Variants in SSR4 observed in about 807,000 individuals in gnomAD.
SSR4 encodes signal sequence receptor subunit 4.
For synonymous variants in SSR4, 84 were observed against 65.6 expected (o/e 1.28, Z -1.35); for missense variants, 125 against 148.8 (o/e 0.84, Z 0.83).
Position 153,796,384 on chromosome X carries a change from C to T in SSR4, c.68-50C>T, listed in dbSNP as rs201789309. 5.3e-4 allele frequency: 508 copies of T among 952,951 alleles called. 2 individuals are homozygous for T. The highest frequency in any genetic ancestry group is 1.8e-3 in the South Asian group (90 of 50,520). 78.5% of individuals were successfully genotyped at this position (952,951 alleles called of 1,213,427 possible). ...GGGCCGGGCCATCCTGCCCTCAGAC[C>T]GGGATACTCGAGCTGGCCTTACCCA... On this transcript the variant is annotated intron_variant, in intron 1 of 5. Transcript: ENST00000370086.
chrX:153,794,528 T>A, upstream of SSR4: 3 of 1,165,300 alleles, frequency 2.6e-6, no homozygotes, highest in Non-Finnish European at 3.4e-6. Flanking sequence ...GGCCCCTGGC[T>A]CAGGGAGGGG....
chrX:153,796,414 T>G lies in SSR4; in HGVS notation c.68-20T>G. On this transcript the variant is annotated intron_variant, in intron 1 of 5. Coordinates refer to ENST00000370086, the MANE Select transcript of SSR4 (RefSeq NM_006280.3). ...TACTCGAGCTGGCCTTACCCAGGCA[T>G]CTCTCCCTCTTCCCCGCAGCCGAGG... The G allele has an allele frequency of 8.9e-7, 1 of 1,121,805 alleles. No individual in the cohort carries two copies. The highest frequency in any genetic ancestry group is 1.2e-6 in the Non-Finnish European group (1 of 814,441). The allele number at this position is 1,121,805 out of a possible 1,213,427, so 92.4% of individuals were successfully genotyped here. A position where few individuals can be genotyped will look rare whatever the true frequency, so the allele number is the denominator to read the frequency against.
intron 1 of SSR4, chrX:153,795,147 G>C: frequency 5.7e-6 from 1 of 174,093 alleles, no homozygotes; most frequent in Non-Finnish European, 1.1e-5. Context: ...TCAGTGAGGA[G>C]AGGGAGCAAG....
chrX:153,798,001 C>T (rs2092152459), intron 4 of SSR4, 70 bp from the exon 5 acceptor site: 4 of 484,361 alleles, frequency 8.3e-6, no homozygotes, highest in Admixed American at 2.6e-5. Context: ...ACCTGTCTTT[C>T]CCCTCCCCTC....
intron 1 of SSR4, chrX:153,794,995 C>T (rs2098829201): frequency 2.4e-6 from 1 of 420,721 alleles, no homozygotes. Context: ...ATGGTGCGCC[C>T]GGCCCCCAAG....
At chrX:153,794,825 G>A in intron 1 of SSR4, 71 bp downstream of exon 1, 1 of 1,121,585 alleles carries the variant, frequency 8.9e-7, no homozygotes, top group Non-Finnish European at 1.2e-6. Flanking sequence ...GGGCAGGAGG[G>A]ATGCGGGGGT....
chrX:153,798,254 G>A (rs2092154868), intron 5 of SSR4, 75 bp from the exon 6 acceptor site: 1 of 1,183,354 alleles, frequency 8.5e-7, no homozygotes, highest in East Asian at 3.0e-5. Context: ...GGTTCCCCTG[G>A]CGGAAGGTGA....
chrX:153,794,342 C>A (rs782753578), upstream of SSR4: 1 of 1,187,346 alleles, frequency 8.4e-7, no homozygotes, highest in South Asian at 1.8e-5. Flanking sequence ...AAAGTGAGAG[C>A]CTCCGCACGT....
In SSR4 at chrX:153,798,341, G is replaced by C; in HGVS notation, c.430G>C (p.Gly144Arg). 4 of 1,207,083 alleles carry C rather than the reference G, an allele frequency of 3.3e-6. No homozygotes were observed. The Middle Eastern group carries it at 9.3e-4, about 281-fold the overall frequency. ...TCCTTTTTTTCAGGGCACTTGGAAC[G>C]GGCCCTGGGTGTCCACTGAGGTGCT... ...VSVDHRGTWN[G>R]PWVSTEVLAA... is the part of the protein sequence containing the mutation. The change falls in exon 6 of 6, where the codon GGG (glycine) becomes CGG (arginine). Residue 144 changes from glycine (G) to arginine (R), a missense_variant. Gly to Arg is a moderately radical substitution (Grantham distance 125). Coordinates refer to ENST00000370086, the MANE Select transcript of SSR4 (RefSeq NM_006280.3).
chrX:153,797,302 A>T lies in SSR4; in HGVS notation c.187-156A>T, dbSNP rs782083578. ...ACCAATGCAGAGGGCCAGTCACGGG[A>T]TTGGTGAGTGTTACTTGGTACCTCC... On this transcript the variant is annotated intron_variant, in intron 2 of 5. Coordinates refer to ENST00000370086, the MANE Select transcript of SSR4 (RefSeq NM_006280.3). 160 of 477,275 alleles carry T rather than the reference A, an allele frequency of 3.4e-4. 1 individual carries two copies. In the African/African-American group the frequency reaches 3.5e-3, roughly 11 times the overall value. The allele number at this position is 477,275 out of a possible 1,213,427, so 39.3% of individuals were successfully genotyped here.
At position 153,798,459 on chromosome X, in the gene SSR4, C is replaced by T. The variant is rs782488319; in HGVS notation, c.*26C>T. The T allele has an allele frequency of 4.4e-6, 5 of 1,141,256 alleles. No homozygotes were observed. The South Asian group carries it at 5.8e-5, about 13-fold the overall frequency. The allele number at this position is 1,141,256 out of a possible 1,213,427, so 94.1% of individuals were successfully genotyped here. A position where few individuals can be genotyped will look rare whatever the true frequency, so the allele number is the denominator to read the frequency against. ...GGGCGGCACCCCAGCCCTGCCCTTG[C>T]TTCCTTCAATAAACATCACAGGACC... On this transcript the variant is annotated 3_prime_UTR_variant, in exon 6 of 6. Coordinates refer to ENST00000370086, the MANE Select transcript of SSR4 (RefSeq NM_006280.3).
In SSR4 at chrX:153,797,475, T is replaced by C; in HGVS notation, c.204T>C (p.Ala68=). 8.3e-7 allele frequency: 1 copy of C among 1,211,539 alleles called. No individual in the cohort carries two copies. The highest frequency in any genetic ancestry group is 1.7e-5 in the African/African-American group (1 of 57,856). Residue 68 remains alanine (A), a synonymous_variant, in exon 3 of 6, where the codon GCT becomes GCC. Coordinates refer to ENST00000370086, the MANE Select transcript of SSR4 (RefSeq NM_006280.3). The part of the protein sequence containing the change: ...KNRVQNMALY[A]DVGGKQFPVT... ...TCACCCAGAACATGGCTCTCTATGC[T>C]GACGTCGGTGGAAAACAATTCCCTG...
intron 1 of SSR4, chrX:153,796,217 C>A: frequency 2.4e-6 from 1 of 411,347 alleles, no homozygotes; most frequent in Non-Finnish European, 4.3e-6. Flanking sequence ...GCCGGCCTTG[C>A]CCCTCCCCAG....
intron 1 of SSR4, 121 bp downstream of exon 1, chrX:153,794,875 C>T: frequency 1.1e-6 from 1 of 879,328 alleles, no homozygotes; most frequent in Non-Finnish European, 1.6e-6. Context: ...CGGGCCTTCC[C>T]CCGAGAGGCA....
chrX:153,794,708 C>T lies in SSR4; in HGVS notation c.21C>T (p.Leu7=). 3.3e-6 allele frequency: 4 copies of T among 1,212,201 alleles called. No homozygotes were observed. Among genetic ancestry groups the T allele is most frequent in the Non-Finnish European group, 4.5e-6 (4 of 895,518 alleles). Residue 7 remains leucine, a synonymous_variant, in exon 1 of 6, where the codon CTC becomes CTT. Coordinates refer to ENST00000370086, the MANE Select transcript of SSR4 (RefSeq NM_006280.3). ...AGGCGATGGCGGCGATGGCATCTCT[C>T]GGCGCCCTGGCGCTGCTCCTGCTGT... MAAMAS[L]GALALLLLSS...
chrX:153,797,927 C>T (rs1557073057), intron 4 of SSR4, 113 bp downstream of exon 4: 4 of 859,797 alleles, frequency 4.7e-6, no homozygotes, highest in African/African-American at 4.0e-5. Context: ...TGATCCTGTC[C>T]CTTCCTCAGT....
At chrX:153,795,981 T>C in intron 1 of SSR4, 1 of 383,931 alleles carries the variant, frequency 2.6e-6, no homozygotes, top group Non-Finnish European at 3.4e-6. Flanking sequence ...GCAGAGACCC[T>C]TTCTCTCATC....
chrX:153,796,583 G>T, intron 2 of SSR4, 31 bp downstream of exon 2: 1 of 1,026,738 alleles, frequency 9.7e-7, no homozygotes. Flanking sequence ...ACAGGAGGGC[G>T]GGTGGGGGGT....
At chrX:153,796,280 CT>C in intron 1 of SSR4, 153 bp from the exon 2 acceptor site, 1 of 447,038 alleles carries the variant, frequency 2.2e-6, no homozygotes, top group Admixed American at 3.8e-5. Context: ...TGACCGAGCA[CT>C]TGGATCTGTC....
Sources: allele counts gnomAD v4.1 joint callset, GRCh38; gene constraint gnomAD v4.1.1; transcripts MANE v1.5; gene names NCBI Gene and HGNC (gene_info 2026-07-23, HGNC 2026-07-21).